Variants in KIAA1328 observed in about 807,000 individuals in gnomAD.
The protein encoded by KIAA1328 is KIAA1328.
KIAA1328 carries 52 observed loss-of-function variants against 68.1 expected under a neutral mutation model. The observed-to-expected ratio is 0.76, with a 90% CI of 0.61 to 0.96. KIAA1328 has a LOEUF of 0.96. KIAA1328 is among the 40% of genes least tolerant of loss of function. KIAA1328 has a pLI of 0.00. For missense variants in KIAA1328, 641 were observed against 677.6 expected, an observed-to-expected ratio of 0.95 and a Z score of 0.60; for synonymous variants, 232 against 239.4, an observed-to-expected ratio of 0.97 and a Z score of 0.28.
chr18:36,858,855 A>G lies in KIAA1328; in HGVS notation c.332+14553A>G, dbSNP rs1339342367. ...CAGCATGACCTACTATGGTTGATTA[A>G]TGCATGTTTGCTCTTAATACTTTTA... On this transcript the variant is annotated intron_variant, in intron 4 of 9. Coordinates refer to ENST00000280020, the MANE Select transcript of KIAA1328 (RefSeq NM_020776.3). 2.0e-5 allele frequency among the ~76,000 whole-genome samples: 3 copies of G among 152,240 alleles called. No homozygotes were observed. In the East Asian group the frequency reaches 5.8e-4, roughly 29 times the overall value.
intron 6 of KIAA1328, among the ~76,000 whole-genome samples, chr18:37,009,593 G>T (rs2053902034): frequency 6.6e-6 from 1 of 152,108 alleles, no homozygotes; most frequent in Non-Finnish European, 1.5e-5. Context: ...TGAGGCCAGG[G>T]ATATCACTAA....
chr18:36,906,054 A>T (rs943127536), intron 5 of KIAA1328, among the ~76,000 whole-genome samples: 2 of 152,082 alleles, frequency 1.3e-5, no homozygotes, highest in African/African-American at 2.4e-5. Context: ...ACTTCCTTCT[A>T]CCTTTAGTCT....
At chr18:37,211,094 A>G (rs1400194603) in intron 9 of KIAA1328, among the ~76,000 whole-genome samples, 5 of 152,260 alleles carry the variant, frequency 3.3e-5, no homozygotes, top group Admixed American at 1.3e-4. Flanking sequence ...AGGAAAAGAT[A>G]GCTCAGTTAC....
chr18:37,117,346 C>T (rs1276799750), intron 7 of KIAA1328, among the ~76,000 whole-genome samples: 1 of 152,146 alleles, frequency 6.6e-6, no homozygotes, highest in Non-Finnish European at 1.5e-5. Context: ...ATTTGTGGGA[C>T]ATGGATGAAG....
intron 7 of KIAA1328, among the ~76,000 whole-genome samples, chr18:37,115,531 A>G (rs969170274): frequency 2.0e-5 from 3 of 152,314 alleles, no homozygotes; most frequent in Non-Finnish European, 2.9e-5. Flanking sequence ...AATAAGAGCT[A>G]TTTATGACAA....
chr18:37,146,489 G>A (rs182052939), intron 7 of KIAA1328, among the ~76,000 whole-genome samples: 355 of 152,172 alleles, frequency 2.3e-3, no homozygotes, highest in Non-Finnish European at 3.4e-3. Context: ...TCATTGATGG[G>A]CATTTAGGTT....
intron 6 of KIAA1328, among the ~76,000 whole-genome samples, chr18:37,032,490 C>T (rs1442962353): frequency 6.6e-6 from 1 of 151,838 alleles, no homozygotes; most frequent in Non-Finnish European, 1.5e-5. Flanking sequence ...TATGGTCATG[C>T]AGTTCTTCTG....
At chr18:36,918,678 G>C (rs934305082) in intron 5 of KIAA1328, among the ~76,000 whole-genome samples, 2 of 152,152 alleles carry the variant, frequency 1.3e-5, no homozygotes, top group Non-Finnish European at 2.9e-5. Context: ...GCCTCCCAAA[G>C]TGCTGGGATT....
chr18:36,988,147 C>T (rs562525569), intron 6 of KIAA1328, among the ~76,000 whole-genome samples: 10 of 152,248 alleles, frequency 6.6e-5, no homozygotes, highest in African/African-American at 1.9e-4. Context: ...ACTGGAATGA[C>T]GTTCACATAT....
At chr18:37,115,554 TATC>T (rs1212850516) in intron 7 of KIAA1328, among the ~76,000 whole-genome samples, 1 of 152,158 alleles carries the variant, frequency 6.6e-6, no homozygotes, top group Admixed American at 6.5e-5. Flanking sequence ...CCACAGCCAA[TATC>T]ATACTGAATG....
chr18:37,025,644 A>G (rs2054540813), intron 6 of KIAA1328, among the ~76,000 whole-genome samples: 1 of 152,246 alleles, frequency 6.6e-6, no homozygotes, highest in African/African-American at 2.4e-5. Context: ...AACGAAATGA[A>G]GGCAGAAATA....
chr18:36,964,106 A>G (rs1028666876), intron 6 of KIAA1328, among the ~76,000 whole-genome samples: 12 of 152,230 alleles, frequency 7.9e-5, no homozygotes, highest in African/African-American at 2.9e-4. Flanking sequence ...GTCTGGCACT[A>G]TAGTTTGTTG....
At chr18:37,209,200 A>T (rs1013720815) in intron 9 of KIAA1328, among the ~76,000 whole-genome samples, 2 of 152,240 alleles carry the variant, frequency 1.3e-5, no homozygotes, top group Admixed American at 6.5e-5. Context: ...TGGATGGGTA[A>T]CACTTTTCAG....
At chr18:36,880,693 A>G (rs565938738) in intron 4 of KIAA1328, among the ~76,000 whole-genome samples, 1 of 152,130 alleles carries the variant, frequency 6.6e-6, no homozygotes, top group Non-Finnish European at 1.5e-5. Context: ...ACCCTCAGAC[A>G]TATGTTAACT....
At chr18:36,923,400 T>C (rs2050000112) in intron 5 of KIAA1328, among the ~76,000 whole-genome samples, 1 of 152,142 alleles carries the variant, frequency 6.6e-6, no homozygotes, top group South Asian at 2.1e-4. Flanking sequence ...TTGTTAAAAT[T>C]CTGTCATATT....
intron 7 of KIAA1328, among the ~76,000 whole-genome samples, chr18:37,121,671 T>A (rs1003682829): frequency 1.3e-5 from 2 of 152,146 alleles, no homozygotes; most frequent in Non-Finnish European, 2.9e-5. Flanking sequence ...AAAAGCTAGC[T>A]TTCCTAGTTA....
rs966634421 is a variant in KIAA1328 at position 36,829,373 on chromosome 18, G to A, written c.58+177G>A. 4 of 1,376,758 alleles carry A rather than the reference G, an allele frequency of 2.9e-6. No individual in the cohort carries two copies. The Admixed American group carries it at 1.4e-4, about 49-fold the overall frequency. The allele number at this position is 1,376,758 out of a possible 1,614,324, so 85.3% of individuals were successfully genotyped here. A position where few individuals can be genotyped will look rare whatever the true frequency, so the allele number is the denominator to read the frequency against. On this transcript the variant is annotated intron_variant, in intron 1 of 9. Coordinates refer to ENST00000280020, the MANE Select transcript of KIAA1328 (RefSeq NM_020776.3). ...TCTCCCCTTGCTTGGGTGTTAGGTGGCCGAGAGACTGGTACTGTCTGCAGG... is the reference window on the plus strand; with the variant it reads ...TCTCCCCTTGCTTGGGTGTTAGGTGACCGAGAGACTGGTACTGTCTGCAGG...
chr18:37,127,087 G>T (rs988698933), intron 7 of KIAA1328, among the ~76,000 whole-genome samples: 2 of 152,064 alleles, frequency 1.3e-5, no homozygotes, highest in Non-Finnish European at 1.5e-5. Context: ...GCAAGAAAAA[G>T]AAATAAAAGG....
intron 6 of KIAA1328, among the ~76,000 whole-genome samples, chr18:36,997,390 A>G (rs964020778): frequency 2.0e-5 from 3 of 152,136 alleles, no homozygotes; most frequent in African/African-American, 7.2e-5. Context: ...GCTAAGAGTG[A>G]CTTTCCAACA....
Sources: gnomAD v4.1 joint callset for allele counts (sites outside exome capture counted in the v4.1 genomes callset) on GRCh38, gnomAD v4.1.1 for gene constraint, MANE v1.5 for transcripts, NCBI Gene and HGNC (gene_info 2026-07-23, HGNC 2026-07-21) for gene names.